Variants in DPP10 observed in about 807,000 individuals in gnomAD.
DPP10 encodes the protein dipeptidyl peptidase like 10.
Under a neutral mutation model 120.9 loss-of-function variants are expected in DPP10, and 33 were observed. That is an observed-to-expected ratio of 0.27 (90% CI 0.21 to 0.37). The LOEUF (loss-of-function observed/expected upper bound fraction) is 0.37, where lower values mean the gene tolerates loss of function less well. DPP10 is among the 10% of genes least tolerant of loss of function. The pLI is 1.00. For synonymous variants in DPP10, 337 were observed against 326.1 expected (o/e 1.03, Z -0.36); for missense variants, 816 against 942.8 (o/e 0.87, Z 1.76).
chr2:115,564,604 A>C (rs986937809), intron 5 of DPP10, among the ~76,000 whole-genome samples: 1 of 152,170 alleles, frequency 6.6e-6, no homozygotes, highest in Non-Finnish European at 1.5e-5. Context: ...AAACTTTTTG[A>C]GATGATTCAA....
chr2:114,652,769 TTCTGGCAGGACTCACTTTCTCAC>T (rs1372242272), intron 1 of DPP10, among the ~76,000 whole-genome samples: 1 of 152,140 alleles, frequency 6.6e-6, no homozygotes, highest in Non-Finnish European at 1.5e-5. Context: ...TCTTGAGGGA[TTCTGGCAGGACTCACTTTCTCAC>T]TGATTTTAGA....
intron 5 of DPP10, among the ~76,000 whole-genome samples, chr2:115,536,294 T>G (rs2078832829): frequency 6.6e-6 from 1 of 152,002 alleles, no homozygotes; most frequent in African/African-American, 2.4e-5. Context: ...ATCATGAACA[T>G]TCCACTATGA....
At chr2:115,325,441 A>G (rs564913625) in intron 2 of DPP10, among the ~76,000 whole-genome samples, 1 of 152,282 alleles carries the variant, frequency 6.6e-6, no homozygotes, top group South Asian at 2.1e-4. Flanking sequence ...GACTTGAATA[A>G]TATTTATTAT....
At chr2:115,379,313 C>G (rs1317031103) in intron 3 of DPP10, among the ~76,000 whole-genome samples, 1 of 152,174 alleles carries the variant, frequency 6.6e-6, no homozygotes, top group Non-Finnish European at 1.5e-5. Flanking sequence ...TTATCTATTT[C>G]TTCTAGATTT....
chr2:114,757,246 G>A (rs921424231), intron 1 of DPP10, among the ~76,000 whole-genome samples: 10 of 133,274 alleles, frequency 7.5e-5, no homozygotes, highest in South Asian at 5.5e-4. Flanking sequence ...AGGAAGGAAG[G>A]AAAGAAAGGG....
chr2:114,543,867 G>GT (rs751537870), intron 1 of DPP10, among the ~76,000 whole-genome samples: 735 of 49,220 alleles, frequency 0.015, 4 homozygotes, highest in African/African-American at 0.048. Flanking sequence ...AATGTAGCTT[G>GT]TTTTTTTTGT....
chr2:115,811,511 T>C (rs916406885), intron 19 of DPP10, among the ~76,000 whole-genome samples: 3 of 152,242 alleles, frequency 2.0e-5, no homozygotes, highest in African/African-American at 7.2e-5. Context: ...TTGCCTGCCA[T>C]AAAATGTCTG....
chr2:115,808,821 T>C (rs547981766), intron 19 of DPP10, among the ~76,000 whole-genome samples: 10 of 152,218 alleles, frequency 6.6e-5, no homozygotes, highest in Non-Finnish European at 1.2e-4. Flanking sequence ...GAGAATTTAA[T>C]TTATGAACAG....
intron 13 of DPP10, among the ~76,000 whole-genome samples, chr2:115,774,275 C>G (rs1006672810): frequency 6.6e-6 from 1 of 151,208 alleles, no homozygotes; most frequent in East Asian, 1.9e-4. Context: ...AAATAATTAA[C>G]CTAGAAATCT....
chr2:115,724,115 A>G (rs1198211769), intron 7 of DPP10, among the ~76,000 whole-genome samples: 2 of 152,328 alleles, frequency 1.3e-5, no homozygotes, highest in African/African-American at 2.4e-5. Flanking sequence ...GTAGGTTTGT[A>G]TCTGCCATTG....
At chr2:114,662,619 T>C (rs912602034) in intron 1 of DPP10, among the ~76,000 whole-genome samples, 2 of 152,120 alleles carry the variant, frequency 1.3e-5, no homozygotes, top group African/African-American at 4.8e-5. Flanking sequence ...CCAGGGAGGC[T>C]GGATGGCCAC....
At chr2:115,124,663 CAATT>C (rs1177939204) in intron 1 of DPP10, among the ~76,000 whole-genome samples, 15 of 152,138 alleles carry the variant, frequency 9.9e-5, no homozygotes, top group Non-Finnish European at 2.9e-5. Context: ...GAATTATAGC[CAATT>C]AGTTACTTAT....
intron 1 of DPP10, among the ~76,000 whole-genome samples, chr2:114,946,198 C>T (rs756194060): frequency 3.3e-5 from 5 of 152,058 alleles, no homozygotes; most frequent in African/African-American, 7.2e-5. Flanking sequence ...AAACAATAGC[C>T]TATTGATATT....
Position 115,845,757 on chromosome 2 carries a change from C to T in DPP10, c.*3412C>T, listed in dbSNP as rs1035257479. The T allele has an allele frequency of 6.6e-6, 1 of 152,066 alleles. No homozygotes were observed. The highest frequency in any genetic ancestry group is 1.5e-5 in the Non-Finnish European group (1 of 68,002). The allele number at this position is 152,066 out of a possible 1,614,324, so 9.4% of individuals were successfully genotyped here. The stretch of plus-strand genomic sequence containing the variant: ...TAAATCAGTGGTTTATTTTCAGGTT[C>T]GAATAAACTCTTTCTAATGAAAATG... On this transcript the variant is annotated 3_prime_UTR_variant, in exon 26 of 26. Transcript: ENST00000410059.
chr2:115,283,763 T>C (rs1271478176), intron 1 of DPP10, among the ~76,000 whole-genome samples: 1 of 152,094 alleles, frequency 6.6e-6, no homozygotes, highest in Non-Finnish European at 1.5e-5. Context: ...AGTGATGGAC[T>C]ACATATATGA....
intron 1 of DPP10, among the ~76,000 whole-genome samples, chr2:114,917,218 A>C (rs1240645360): frequency 6.6e-6 from 1 of 152,208 alleles, no homozygotes; most frequent in Admixed American, 6.5e-5. Context: ...TCCCGTTCAC[A>C]GTCCTCACCA....
chr2:114,834,431 A>G (rs1444365723), intron 1 of DPP10, among the ~76,000 whole-genome samples: 4 of 151,484 alleles, frequency 2.6e-5, no homozygotes, highest in Non-Finnish European at 3.0e-5. Context: ...TGTATATATA[A>G]GCCATATCTA....
chr2:115,409,819 A>G (rs577682004), intron 3 of DPP10, among the ~76,000 whole-genome samples: 1 of 152,360 alleles, frequency 6.6e-6, no homozygotes, highest in Non-Finnish European at 1.5e-5. Flanking sequence ...ATACCATGGA[A>G]TACTACTAAG....
chr2:115,672,670 C>T (rs7424407), intron 5 of DPP10, among the ~76,000 whole-genome samples: 13 of 47,510 alleles, frequency 2.7e-4, no homozygotes, highest in South Asian at 1.8e-3. Context: ...CTTTCTTTCT[C>T]TCTTTCTTTC....
Sources: allele counts gnomAD v4.1 joint callset (sites outside exome capture counted in the v4.1 genomes callset), GRCh38; gene constraint gnomAD v4.1.1; transcripts MANE v1.5; gene names NCBI Gene and HGNC (gene_info 2026-07-23, HGNC 2026-07-21).